ZMAT4: variants seen among roughly 807,000 people sequenced by gnomAD.
ZMAT4 encodes zinc finger matrin-type protein 4.
ZMAT4 carries 17 observed loss-of-function variants against 28.7 expected under a neutral mutation model. The observed-to-expected ratio is 0.59, with a 90% confidence interval of 0.41 to 0.89. The LOEUF is 0.89. Ranked by LOEUF, ZMAT4 falls within the 40% of genes least tolerant of loss-of-function variation. The probability of loss-of-function intolerance (pLI) is 0.00; values close to 1 mark genes in which losing one functional copy is unlikely to be tolerated. For synonymous variants in ZMAT4, 117 were observed against 109.2 expected, an observed-to-expected ratio of 1.07 and a Z score of -0.44; for missense variants, 240 against 283.8, an observed-to-expected ratio of 0.85 and a Z score of 1.11.
At chr8:40,700,251 A>T (rs1340165776) in intron 3 of ZMAT4, among the ~76,000 whole-genome samples, 1 of 151,932 alleles carries the variant, frequency 6.6e-6, no homozygotes, top group Non-Finnish European at 1.5e-5. Context: ...AAGATTAAAA[A>T]AAAAACATTA....
intron 5 of ZMAT4, among the ~76,000 whole-genome samples, chr8:40,646,258 T>C (rs1807309603): frequency 1.3e-5 from 2 of 152,154 alleles, no homozygotes; most frequent in South Asian, 2.1e-4. Flanking sequence ...TGCTTCTCTG[T>C]TCCTCTCTTC....
intron 5 of ZMAT4, among the ~76,000 whole-genome samples, chr8:40,641,262 C>A (rs925612734): frequency 6.6e-6 from 1 of 152,096 alleles, no homozygotes; most frequent in East Asian, 1.9e-4. Flanking sequence ...GCAAAATTAC[C>A]GCTAAAAGCC....
intron 3 of ZMAT4, among the ~76,000 whole-genome samples, chr8:40,749,907 T>A (rs1271245137): frequency 6.6e-6 from 1 of 152,238 alleles, no homozygotes; most frequent in Non-Finnish European, 1.5e-5. Flanking sequence ...TGATAGAATT[T>A]TCTGAAAATT....
intron 5 of ZMAT4, among the ~76,000 whole-genome samples, chr8:40,640,141 T>C (rs2722415): frequency 0.55 from 83,736 of 151,820 alleles, 24,053 homozygotes; most frequent in East Asian, 0.69. Flanking sequence ...CAAGCCTGAC[T>C]AAGTTTTCTT....
At chr8:40,879,447 G>T (rs947694713) in intron 1 of ZMAT4, among the ~76,000 whole-genome samples, 2 of 152,070 alleles carry the variant, frequency 1.3e-5, no homozygotes, top group Non-Finnish European at 2.9e-5. Flanking sequence ...TGAAATAAAC[G>T]TTTGTTTCCA....
At chr8:40,607,562 G>T (rs922067717) in intron 5 of ZMAT4, among the ~76,000 whole-genome samples, 1 of 151,866 alleles carries the variant, frequency 6.6e-6, no homozygotes, top group Non-Finnish European at 1.5e-5. Context: ...TCTTGGCTTG[G>T]ATCCAAGCCA....
intron 2 of ZMAT4, among the ~76,000 whole-genome samples, chr8:40,769,863 GTTA>G (rs1813318077): frequency 6.6e-6 from 1 of 151,684 alleles, no homozygotes; most frequent in Non-Finnish European, 1.5e-5. Flanking sequence ...AGTTCACTGA[GTTA>G]TTTAATTACA....
At chr8:40,725,405 A>G (rs2150521433) in intron 3 of ZMAT4, among the ~76,000 whole-genome samples, 1 of 152,194 alleles carries the variant, frequency 6.6e-6, no homozygotes, top group East Asian at 1.9e-4. Context: ...TCATTTTTGT[A>G]TGTATTAGTA....
At chr8:40,806,066 A>G (rs1057422238) in intron 2 of ZMAT4, among the ~76,000 whole-genome samples, 1 of 152,220 alleles carries the variant, frequency 6.6e-6, no homozygotes, top group Non-Finnish European at 1.5e-5. Flanking sequence ...GAAAAAGGGG[A>G]ACATTTCATC....
At chr8:40,770,261 A>G (rs1452944185) in intron 2 of ZMAT4, among the ~76,000 whole-genome samples, 3 of 152,198 alleles carry the variant, frequency 2.0e-5, no homozygotes, top group South Asian at 2.1e-4. Context: ...CCTGCCCACA[A>G]CTTCCAGCAG....
At chr8:40,861,558 G>A (rs1817494585) in intron 1 of ZMAT4, among the ~76,000 whole-genome samples, 1 of 152,188 alleles carries the variant, frequency 6.6e-6, no homozygotes, top group African/African-American at 2.4e-5. Context: ...GGCAACAAAA[G>A]CCAAAATTGA....
At chr8:40,747,292 G>A (rs1390939987) in intron 3 of ZMAT4, among the ~76,000 whole-genome samples, 1 of 152,156 alleles carries the variant, frequency 6.6e-6, no homozygotes, top group African/African-American at 2.4e-5. Context: ...TATTGCAGAG[G>A]AGGAAATAAT....
chr8:40,569,427 A>G (rs779826001), intron 6 of ZMAT4, among the ~76,000 whole-genome samples: 7 of 152,228 alleles, frequency 4.6e-5, no homozygotes, highest in African/African-American at 7.2e-5. Context: ...ACAAATGGAC[A>G]TATTTTAATT....
intron 5 of ZMAT4, among the ~76,000 whole-genome samples, chr8:40,608,164 C>T (rs2880470): frequency 0.21 from 32,155 of 151,938 alleles, 3,530 homozygotes; most frequent in Middle Eastern, 0.26. Flanking sequence ...TTGTCTTTGG[C>T]TATCAGGGAG....
intron 6 of ZMAT4, among the ~76,000 whole-genome samples, chr8:40,540,761 T>C (rs1210396956): frequency 6.6e-6 from 1 of 152,204 alleles, no homozygotes; most frequent in Non-Finnish European, 1.5e-5. Context: ...GCACTAACTC[T>C]AGGTAGTTAG....
At chr8:40,764,739 T>C (rs1339963870) in intron 3 of ZMAT4, among the ~76,000 whole-genome samples, 2 of 152,158 alleles carry the variant, frequency 1.3e-5, no homozygotes, top group African/African-American at 4.8e-5. Context: ...TCAGTAATAA[T>C]AATACATGCA....
At chr8:40,799,691 T>G (rs1814755935) in intron 2 of ZMAT4, among the ~76,000 whole-genome samples, 1 of 152,138 alleles carries the variant, frequency 6.6e-6, no homozygotes, top group Non-Finnish European at 1.5e-5. Flanking sequence ...TTCTAATTGA[T>G]CTAACAGATA....
intron 3 of ZMAT4, among the ~76,000 whole-genome samples, chr8:40,715,437 A>C (rs1350153769): frequency 6.6e-6 from 1 of 152,230 alleles, no homozygotes; most frequent in African/African-American, 2.4e-5. Context: ...GAGCAAGAGT[A>C]GAAACAAAAC....
chr8:40,563,593 T>C (rs1180524160), intron 6 of ZMAT4, among the ~76,000 whole-genome samples: 1 of 152,114 alleles, frequency 6.6e-6, no homozygotes. Flanking sequence ...GAAGAAACAA[T>C]TTTGAAATGA....
Sources: allele counts gnomAD v4.1 joint callset (sites outside exome capture counted in the v4.1 genomes callset), GRCh38; gene constraint gnomAD v4.1.1; transcripts MANE v1.5; gene names NCBI Gene and HGNC (gene_info 2026-07-23, HGNC 2026-07-21).